FLI1: variants seen among roughly 807,000 people sequenced by gnomAD.
FLI1 encodes the protein Friend leukemia integration 1 transcription factor.
In FLI1, 13 loss-of-function variants were observed where a neutral mutation model predicts 53.1. The observed-to-expected ratio is 0.24, with a 90% CI of 0.16 to 0.39. The LOEUF is 0.39. FLI1 is among the 10% of genes least tolerant of loss of function. The pLI is 1.00. For synonymous variants in FLI1, 244 were observed against 236.7 expected, an observed-to-expected ratio of 1.03 and a Z score of -0.28; for missense variants, 424 against 600.5, an observed-to-expected ratio of 0.71 and a Z score of 3.07.
intron 1 of FLI1, among the ~76,000 whole-genome samples, chr11:128,732,169 A>G (rs1212239157): frequency 6.6e-6 from 1 of 152,192 alleles, no homozygotes; most frequent in Non-Finnish European, 1.5e-5. Flanking sequence ...CTATAGCAGA[A>G]GAGGCCAGAA....
chr11:128,791,672 G>C (rs1336536367), intron 5 of FLI1, among the ~76,000 whole-genome samples: 2 of 152,334 alleles, frequency 1.3e-5, no homozygotes, highest in South Asian at 2.1e-4. Flanking sequence ...ATCCACTGCA[G>C]CTGCTGGTGT....
At position 128,811,699 on chromosome 11, in the gene FLI1, T is replaced by C. The variant is rs1942941014; in HGVS notation, c.*711T>C. On this transcript the variant is annotated 3_prime_UTR_variant, in exon 9 of 9. Coordinates refer to ENST00000527786, the MANE Select transcript of FLI1 (RefSeq NM_002017.5). ...GGGGAATTAAATTACTAATTTTTTT[T>C]TTTTTTTAAATGATGACAGTGGTCC... 1 of 202,094 alleles carries C rather than the reference T, an allele frequency of 4.9e-6. No homozygotes were observed. Among genetic ancestry groups the C allele is most frequent in the South Asian group, 1.9e-4 (1 of 5,238 alleles). The allele number at this position is 202,094 out of a possible 1,614,324, so 12.5% of individuals were successfully genotyped here. A position where few individuals can be genotyped will look rare whatever the true frequency, so the allele number is the denominator to read the frequency against.
chr11:128,713,585 G>T (rs1193753388), intron 1 of FLI1, among the ~76,000 whole-genome samples: 2 of 151,216 alleles, frequency 1.3e-5, no homozygotes, highest in Non-Finnish European at 2.9e-5. Flanking sequence ...GACAGGTATA[G>T]TTCCTCCTTG....
At chr11:128,729,344 G>T (rs566380580) in intron 1 of FLI1, among the ~76,000 whole-genome samples, 2 of 152,356 alleles carry the variant, frequency 1.3e-5, no homozygotes, top group East Asian at 1.9e-4. Flanking sequence ...TCAGGGCTGT[G>T]AGTTTTGGAA....
At chr11:128,793,195 T>G (rs555251440) in intron 5 of FLI1, among the ~76,000 whole-genome samples, 1 of 151,878 alleles carries the variant, frequency 6.6e-6, no homozygotes, top group African/African-American at 2.4e-5. Context: ...GGAAATAAAG[T>G]TTCCCTCAAA....
intron 5 of FLI1, among the ~76,000 whole-genome samples, chr11:128,795,414 C>A (rs2135894555): frequency 1.3e-5 from 2 of 152,228 alleles, no homozygotes; most frequent in East Asian, 3.9e-4. Flanking sequence ...TGAATATTTA[C>A]TCAATCCTGC....
intron 1 of FLI1, among the ~76,000 whole-genome samples, chr11:128,724,061 G>A (rs1939366602): frequency 6.8e-6 from 1 of 147,518 alleles, no homozygotes; most frequent in South Asian, 2.2e-4. Context: ...TCCTGCCTCA[G>A]CCTCCTGAGT....
chr11:128,693,881 TG>T (rs55635129), upstream of FLI1: 161,223 of 211,950 alleles, frequency 0.76, 57,732 homozygotes, highest in Middle Eastern at 0.82. Flanking sequence ...AGAGGGGGTG[TG>T]GGGGGGGAGG....
chr11:128,743,851 C>A (rs1337584901), intron 1 of FLI1, among the ~76,000 whole-genome samples: 2 of 152,228 alleles, frequency 1.3e-5, no homozygotes, highest in Non-Finnish European at 2.9e-5. Context: ...CACAGCAGGA[C>A]TTGTTCACAA....
chr11:128,805,966 A>C (rs953711931), intron 6 of FLI1: 1 of 151,814 alleles, frequency 6.6e-6, no homozygotes, highest in African/African-American at 2.4e-5. Context: ...TTCTCCACCA[A>C]GTGGTGAGAT....
chr11:128,758,384 G>C (rs1940979873), intron 2 of FLI1, 58 bp downstream of exon 2: 2 of 1,451,774 alleles, frequency 1.4e-6, no homozygotes, highest in East Asian at 2.4e-5. Flanking sequence ...CAGATCTGCA[G>C]CAAGTGGCTT....
At chr11:128,725,424 C>T (rs1196343536) in intron 1 of FLI1, among the ~76,000 whole-genome samples, 1 of 152,188 alleles carries the variant, frequency 6.6e-6, no homozygotes, top group African/African-American at 2.4e-5. Flanking sequence ...TGGCCCCTCA[C>T]CACTCACCTG....
intron 5 of FLI1, among the ~76,000 whole-genome samples, chr11:128,789,249 A>T (rs555795588): frequency 6.6e-6 from 1 of 152,146 alleles, no homozygotes; most frequent in African/African-American, 2.4e-5. Flanking sequence ...TGGGTGTTTG[A>T]TGTGGGTTTC....
chr11:128,744,160 T>C (rs1289936241), intron 1 of FLI1, among the ~76,000 whole-genome samples: 1 of 152,242 alleles, frequency 6.6e-6, no homozygotes, highest in Non-Finnish European at 1.5e-5. Flanking sequence ...CTGAGTTATC[T>C]GAGCTTACTC....
chr11:128,712,569 T>C (rs538736193), intron 1 of FLI1, among the ~76,000 whole-genome samples: 10 of 152,254 alleles, frequency 6.6e-5, no homozygotes, highest in African/African-American at 1.9e-4. Context: ...CTAGGGAGGC[T>C]TCACAATCAT....
chr11:128,697,614 C>T (rs1342978549), intron 1 of FLI1, among the ~76,000 whole-genome samples: 2 of 152,202 alleles, frequency 1.3e-5, no homozygotes, highest in African/African-American at 4.8e-5. Context: ...CTCCTTGCCA[C>T]AAGTCACAGG....
intron 2 of FLI1, among the ~76,000 whole-genome samples, chr11:128,759,357 C>T (rs536636346): frequency 9.2e-5 from 14 of 152,198 alleles, no homozygotes; most frequent in Non-Finnish European, 4.4e-5. Context: ...TGAGCACAGA[C>T]GTGACATTTA....
rs1044116265 is a variant in FLI1, at chr11:128,780,451, C to T, written c.590-1507C>T. Among the ~76,000 whole-genome samples the T allele has an allele frequency of 4.6e-5, 7 of 152,162 alleles. No homozygotes were observed. In the East Asian group the frequency reaches 7.7e-4, roughly 17 times the overall value. On this transcript the variant is annotated intron_variant, in intron 4 of 8. Coordinates refer to ENST00000527786, the MANE Select transcript of FLI1 (RefSeq NM_002017.5). ...TCTCTACTAAAAATACAAAATTAGC[C>T]GAGCATGGTGGCACATGCCTGTAAT... is the stretch of plus-strand genomic sequence containing the variant.
intron 1 of FLI1, among the ~76,000 whole-genome samples, chr11:128,706,144 T>G (rs1938538517): frequency 6.6e-6 from 1 of 152,168 alleles, no homozygotes; most frequent in African/African-American, 2.4e-5. Context: ...ACACAACAGG[T>G]GTGCAAGGAA....
Sources: gnomAD v4.1 joint callset for allele counts (sites outside exome capture counted in the v4.1 genomes callset) on GRCh38, gnomAD v4.1.1 for gene constraint, MANE v1.5 for transcripts, NCBI Gene and HGNC (gene_info 2026-07-23, HGNC 2026-07-21) for gene names.